HIPK1: variants seen among roughly 807,000 people sequenced by gnomAD.
HIPK1 encodes homeodomain interacting protein kinase 1, also known as homeodomain-interacting protein kinase 1.
In HIPK1, 28 loss-of-function variants were observed where a neutral mutation model predicts 117.1. That is an observed-to-expected ratio of 0.24 (90% CI 0.18 to 0.33). The LOEUF is 0.33. Ranked by LOEUF, HIPK1 falls within the 10% of genes least tolerant of loss-of-function variation. HIPK1 has a pLI of 1.00. For synonymous variants in HIPK1, 605 were observed against 562.5 expected (o/e 1.08, Z -1.07); for missense variants, 1,122 against 1,475.1 (o/e 0.76, Z 3.92).
intron 8 of HIPK1, among the ~76,000 whole-genome samples, chr1:113,961,554 G>A (rs1045822705): frequency 2.6e-5 from 4 of 152,114 alleles, no homozygotes; most frequent in African/African-American, 7.2e-5. Flanking sequence ...TGAGCTTTTC[G>A]TAATCTTTCT....
At chr1:113,940,069 T>A (rs1670549118) in intron 1 of HIPK1, among the ~76,000 whole-genome samples, 1 of 151,844 alleles carries the variant, frequency 6.6e-6, no homozygotes, top group Admixed American at 6.6e-5. Context: ...CCTCCCAAAG[T>A]GCTGGAATTA....
chr1:113,941,057 C>G lies in HIPK1; in HGVS notation c.674C>G (p.Pro225Arg). 6.2e-7 allele frequency: 1 copy of G among 1,614,200 alleles called. No homozygotes were observed. Among genetic ancestry groups the G allele is most frequent in the Non-Finnish European group, 8.5e-7 (1 of 1,180,054 alleles). Residue 225 changes from proline (P) to arginine (R), a missense_variant, in exon 2 of 16, where the codon CCC (proline) becomes CGC (arginine). Physicochemically the swap from Pro to Arg is moderately radical, Grantham distance 103 (BLOSUM62 -2). Transcript: ENST00000426820. The surrounding 1 kb of genome is among the most constrained non-coding windows in gnomAD (Gnocchi z 4.9). ...GCTATTAAAATCTTGAAGAACCACCCCTCCTATGCCAGACAAGGACAGATT... is the reference window on the plus strand; with the variant it reads ...GCTATTAAAATCTTGAAGAACCACCGCTCCTATGCCAGACAAGGACAGATT... The part of the protein sequence containing the change: ...IVAIKILKNH[P>R]SYARQGQIEV...
intron 12 of HIPK1, among the ~76,000 whole-genome samples, 181 bp downstream of exon 12, chr1:113,968,129 G>T (rs1672577440): frequency 6.6e-6 from 1 of 152,208 alleles, no homozygotes; most frequent in African/African-American, 2.4e-5. Flanking sequence ...TTTTATGATG[G>T]TCCTTTGTCT....
rs60304853 is a variant in HIPK1 at position 113,965,604 on chromosome 1, A to G, written c.2239-526A>G. On this transcript the variant is annotated intron_variant, in intron 10 of 15. Transcript: ENST00000426820. ...ATAAGATTTTTTCCCCAAAAGGATT[A>G]GGCCTTTGGTCATCCACATCTGGCT... 7.9e-5 allele frequency among the ~76,000 whole-genome samples: 12 copies of G among 152,292 alleles called. No homozygotes were observed. In the East Asian group the frequency reaches 1.7e-3, roughly 22 times the overall value.
At chr1:113,930,358 T>G (rs931184660) in intron 1 of HIPK1, 1 of 152,396 alleles carries the variant, frequency 6.6e-6, no homozygotes, top group Non-Finnish European at 1.5e-5. Flanking sequence ...ATTTGTGCTG[T>G]TTGGGACCAG....
chr1:113,963,773 G>C (rs901227094), intron 10 of HIPK1, among the ~76,000 whole-genome samples: 9 of 152,116 alleles, frequency 5.9e-5, no homozygotes, highest in African/African-American at 2.2e-4. Context: ...ATGTGGCTCT[G>C]TAAGGAGCCA....
intron 1 of HIPK1, chr1:113,930,036 C>T: frequency 2.0e-6 from 2 of 984,580 alleles, no homozygotes; most frequent in South Asian, 9.4e-5. Context: ...TCCTGGAGCG[C>T]CCAGCCTGCC....
At chr1:113,964,800 G>T (rs981366367) in intron 10 of HIPK1, among the ~76,000 whole-genome samples, 4 of 152,212 alleles carry the variant, frequency 2.6e-5, no homozygotes, top group African/African-American at 9.6e-5. Flanking sequence ...AGGTTGGAAT[G>T]TTAGTTGACA....
chr1:113,933,507 T>C (rs1670039484), intron 1 of HIPK1, among the ~76,000 whole-genome samples: 1 of 152,076 alleles, frequency 6.6e-6, no homozygotes, highest in Non-Finnish European at 1.5e-5. Context: ...ACACTTTTTT[T>C]TTTTCAGATG....
chr1:113,929,590 T>G, intron 1 of HIPK1, 58 bp downstream of exon 1: 11 of 1,219,192 alleles, frequency 9.0e-6, no homozygotes, highest in Non-Finnish European at 1.2e-5. Flanking sequence ...CCGGCCGGGT[T>G]GAGGGACGGC....
At chr1:113,939,948 G>A (rs1316647410) in intron 1 of HIPK1, among the ~76,000 whole-genome samples, 1 of 148,622 alleles carries the variant, frequency 6.7e-6, no homozygotes, top group African/African-American at 2.5e-5. Context: ...TCATCATCCT[G>A]GTTACTTTTT....
At position 113,941,647 on chromosome 1, in the gene HIPK1, G is replaced by A. The variant is rs1487198091; in HGVS notation, c.1076+188G>A. ...ACATTTATTTCTGAAATTTTATCTA[G>A]CACTGGAAAAATTAACTCAGTCTGA... On this transcript the variant is annotated intron_variant, in intron 2 of 15. Coordinates refer to ENST00000426820, the MANE Select transcript of HIPK1 (RefSeq NM_198268.3). The surrounding 1 kb of genome is among the most constrained non-coding windows in gnomAD (Gnocchi z 4.9). Among the ~76,000 whole-genome samples, 1 of 152,148 alleles carries A rather than the reference G, an allele frequency of 6.6e-6. No homozygotes were observed. The highest frequency in any genetic ancestry group is 6.5e-5 in the Admixed American group (1 of 15,272).
intron 1 of HIPK1, among the ~76,000 whole-genome samples, chr1:113,934,806 A>AG (rs1670143510): frequency 6.7e-6 from 1 of 149,528 alleles, no homozygotes; most frequent in African/African-American, 2.4e-5. Flanking sequence ...AAAAAAAAAA[A>AG]AAAATTAGCC....
In HIPK1 at chr1:113,941,565, G is replaced by C; in HGVS notation, c.1076+106G>C. The C allele has an allele frequency of 1.2e-6, 1 of 858,160 alleles. No homozygotes were observed. Among genetic ancestry groups the C allele is most frequent in the Non-Finnish European group, 1.8e-6 (1 of 549,076 alleles). The allele number at this position is 858,160 out of a possible 1,614,324, so 53.2% of individuals were successfully genotyped here. Reference sequence around the variant, plus strand: ...AGCAATGAATTTGTTTATAGATTCTGAGATAGAAATAGGATATGTTTTAGC... The same window carrying C: ...AGCAATGAATTTGTTTATAGATTCTCAGATAGAAATAGGATATGTTTTAGC... On this transcript the variant is annotated intron_variant, in intron 2 of 15. Transcript: ENST00000426820. The surrounding 1 kb of genome is among the most constrained non-coding windows in gnomAD (Gnocchi z 4.9).
intron 15 of HIPK1, chr1:113,972,172 C>T (rs1277201507): frequency 2.3e-6 from 3 of 1,319,162 alleles, no homozygotes; most frequent in Non-Finnish European, 3.1e-6. Flanking sequence ...TCCATCAGAC[C>T]TCCCTAAGTC....
chr1:113,972,059 T>G, intron 15 of HIPK1, 105 bp downstream of exon 15: 1 of 1,612,634 alleles, frequency 6.2e-7, no homozygotes, highest in East Asian at 2.2e-5. Context: ...ATGAAGCCCC[T>G]TTTGTGTCAA....
At chr1:113,954,486 C>A in intron 3 of HIPK1, 165 bp from the exon 4 acceptor site, 2 of 627,220 alleles carry the variant, frequency 3.2e-6, no homozygotes, top group Non-Finnish European at 5.2e-6. Context: ...GATACAGTAG[C>A]TGTGGATGGA....
chr1:113,955,986 A>G (rs2101337869), intron 5 of HIPK1, among the ~76,000 whole-genome samples: 1 of 151,704 alleles, frequency 6.6e-6, no homozygotes, highest in East Asian at 1.9e-4. Context: ...AACACTTCAC[A>G]CTTATGTCAT....
At chr1:113,948,408 T>A (rs1018814295) in intron 2 of HIPK1, among the ~76,000 whole-genome samples, 1 of 152,076 alleles carries the variant, frequency 6.6e-6, no homozygotes, top group Admixed American at 6.5e-5. Flanking sequence ...TGCACCACCA[T>A]ACCTGGCTAA....
Sources: allele counts gnomAD v4.1 joint callset (sites outside exome capture counted in the v4.1 genomes callset), GRCh38; gene constraint gnomAD v4.1.1; non-coding constraint Gnocchi (gnomAD v3.1); transcripts MANE v1.5; gene names NCBI Gene and HGNC (gene_info 2026-07-23, HGNC 2026-07-21).